The following PPP2R2B variants were observed in gnomAD, a reference collection of about 807,000 sequenced individuals.
PPP2R2B encodes the protein protein phosphatase 2 regulatory subunit Bbeta.
A neutral mutation model predicts 46.0 loss-of-function variants in PPP2R2B; 5 were observed. That is an observed-to-expected ratio of 0.11 (90% confidence interval 0.06 to 0.23). PPP2R2B has a LOEUF of 0.23. Ranked by LOEUF, PPP2R2B falls within the 10% of genes least tolerant of loss-of-function variation. PPP2R2B has a pLI of 1.00. For synonymous variants in PPP2R2B, 215 were observed against 206.7 expected, an observed-to-expected ratio of 1.04 and a Z score of -0.34; for missense variants, 367 against 575.0, an observed-to-expected ratio of 0.64 and a Z score of 3.70.
In PPP2R2B at chr5:146,582,485, T is replaced by C. The variant is rs1388418633; in HGVS notation, c.*7462A>G. The C allele has an allele frequency of 6.6e-6, 1 of 152,218 alleles. No homozygotes were observed. The highest frequency in any genetic ancestry group is 1.5e-5 in the Non-Finnish European group (1 of 68,038). The allele number at this position is 152,218 out of a possible 1,614,324, so 9.4% of individuals were successfully genotyped here. On this transcript the variant is annotated 3_prime_UTR_variant, in exon 10 of 10. Coordinates refer to ENST00000394411, the MANE Select transcript of PPP2R2B (RefSeq NM_181675.4). ...AACTAACACTGCAATCTAAGCTTGATCACTTGCTTTTAACACATCTTGGCT... is the reference window on the plus strand; with the variant it reads ...AACTAACACTGCAATCTAAGCTTGACCACTTGCTTTTAACACATCTTGGCT...
chr5:146,649,803 T>C (rs1561803041), intron 6 of PPP2R2B, among the ~76,000 whole-genome samples: 1 of 152,166 alleles, frequency 6.6e-6, no homozygotes, highest in Non-Finnish European at 1.5e-5. Flanking sequence ...ATTATGGGGT[T>C]GTTTTATCAA....
intron 1 of PPP2R2B, among the ~76,000 whole-genome samples, chr5:147,019,785 C>T (rs187158334): frequency 6.6e-5 from 10 of 152,242 alleles, no homozygotes; most frequent in African/African-American, 2.2e-4. Flanking sequence ...GATGTTAAAG[C>T]CATCACTTAA....
At chr5:146,861,299 G>A (rs552369896) in intron 2 of PPP2R2B, among the ~76,000 whole-genome samples, 41 of 151,170 alleles carry the variant, frequency 2.7e-4, no homozygotes, top group Non-Finnish European at 5.5e-4. Flanking sequence ...CTCATGATCC[G>A]CCCAGCTCGG....
intron 1 of PPP2R2B, among the ~76,000 whole-genome samples, chr5:146,939,114 C>A (rs1764246726): frequency 6.6e-6 from 1 of 151,996 alleles, no homozygotes; most frequent in Non-Finnish European, 1.5e-5. Context: ...AAGTAGGCTC[C>A]TGAATCTTTC....
chr5:147,002,305 C>A (rs571077239), intron 1 of PPP2R2B, among the ~76,000 whole-genome samples: 1 of 152,164 alleles, frequency 6.6e-6, no homozygotes, highest in African/African-American at 2.4e-5. Flanking sequence ...GCAGGCCTAA[C>A]AAAAGCTACT....
intron 1 of PPP2R2B, among the ~76,000 whole-genome samples, chr5:146,898,512 A>C (rs1027383251): frequency 1.3e-5 from 2 of 152,094 alleles, no homozygotes; most frequent in African/African-American, 2.4e-5. Context: ...ACCTAAAACC[A>C]TAAAAACCCT....
intron 2 of PPP2R2B, among the ~76,000 whole-genome samples, chr5:146,729,224 A>G (rs1307419080): frequency 6.6e-6 from 1 of 152,198 alleles, no homozygotes; most frequent in East Asian, 1.9e-4. Context: ...GACTGGTGGC[A>G]TTTTGCCCCT....
At chr5:146,617,722 T>A (rs1194796206) in intron 7 of PPP2R2B, among the ~76,000 whole-genome samples, 1 of 148,630 alleles carries the variant, frequency 6.7e-6, no homozygotes, top group African/African-American at 2.5e-5. Flanking sequence ...TGAAGCAGAG[T>A]CTCGCTCTGT....
At chr5:146,788,484 C>G (rs552092020) in intron 2 of PPP2R2B, among the ~76,000 whole-genome samples, 1 of 152,080 alleles carries the variant, frequency 6.6e-6, no homozygotes, top group African/African-American at 2.4e-5. Flanking sequence ...CCTCCCAGCA[C>G]GTTTGGGAGG....
chr5:146,622,449 A>C (rs1416905077), intron 7 of PPP2R2B, among the ~76,000 whole-genome samples: 1 of 152,204 alleles, frequency 6.6e-6, no homozygotes, highest in Non-Finnish European at 1.5e-5. Context: ...GTCTGACCCC[A>C]GAACCAGCAC....
intron 7 of PPP2R2B, among the ~76,000 whole-genome samples, chr5:146,609,801 G>T (rs938400967): frequency 6.0e-5 from 8 of 132,404 alleles, no homozygotes; most frequent in Non-Finnish European, 9.4e-5. Context: ...AAGAAACGGC[G>T]CACCACGAGA....
chr5:147,016,494 G>A (rs1755010301), intron 1 of PPP2R2B, among the ~76,000 whole-genome samples: 1 of 151,812 alleles, frequency 6.6e-6, no homozygotes, highest in East Asian at 2.0e-4. Context: ...TATATAAAAA[G>A]GACTTGTAGT....
At chr5:146,698,968 A>G (rs1291656270) in intron 3 of PPP2R2B, among the ~76,000 whole-genome samples, 4 of 151,984 alleles carry the variant, frequency 2.6e-5, no homozygotes, top group South Asian at 4.2e-4. Flanking sequence ...AAGAGAGGAG[A>G]AAAAAAACAG....
chr5:146,982,360 T>A (rs1423507369), intron 1 of PPP2R2B, among the ~76,000 whole-genome samples: 1 of 152,166 alleles, frequency 6.6e-6, no homozygotes, highest in South Asian at 2.1e-4. Flanking sequence ...ATTAGGAGAT[T>A]TTTCTGTTAT....
chr5:146,930,632 T>C (rs1021972942), intron 1 of PPP2R2B, among the ~76,000 whole-genome samples: 8 of 151,940 alleles, frequency 5.3e-5, no homozygotes, highest in Non-Finnish European at 1.2e-4. Context: ...AAAAGGGCAG[T>C]GGGGTTAGGT....
chr5:146,819,565 A>C (rs546851680), intron 2 of PPP2R2B, among the ~76,000 whole-genome samples: 1 of 152,356 alleles, frequency 6.6e-6, no homozygotes, highest in East Asian at 1.9e-4. Flanking sequence ...GTACTATTTA[A>C]AAACTAGCTC....
intron 2 of PPP2R2B, among the ~76,000 whole-genome samples, chr5:146,838,647 C>T (rs776781649): frequency 1.3e-5 from 2 of 150,410 alleles, no homozygotes; most frequent in Non-Finnish European, 3.0e-5. Flanking sequence ...GGAAAGCATA[C>T]AAAAAGAGGA....
chr5:147,012,034 A>G (rs1455325962), intron 1 of PPP2R2B, among the ~76,000 whole-genome samples: 1 of 150,054 alleles, frequency 6.7e-6, no homozygotes, highest in Non-Finnish European at 1.5e-5. Flanking sequence ...GTGGTCTAAA[A>G]TTCTCTTTTT....
At chr5:146,602,597 C>G (rs929949032) in intron 7 of PPP2R2B, among the ~76,000 whole-genome samples, 1 of 152,168 alleles carries the variant, frequency 6.6e-6, no homozygotes, top group Non-Finnish European at 1.5e-5. Flanking sequence ...GCTCAATGCA[C>G]TCGCATAGTC....
Sources: gnomAD v4.1 joint callset for allele counts (sites outside exome capture counted in the v4.1 genomes callset) on GRCh38, gnomAD v4.1.1 for gene constraint, MANE v1.5 for transcripts, NCBI Gene and HGNC (gene_info 2026-07-23, HGNC 2026-07-21) for gene names.